Variants in RRP15 observed in about 807,000 individuals in gnomAD.
The protein encoded by RRP15 is RRP15-like protein.
RRP15 carries 18 observed loss-of-function variants against 27.1 expected under a neutral mutation model. The observed-to-expected ratio is 0.66, with a 90% CI of 0.46 to 0.98. The LOEUF is 0.98. RRP15 is among the 50% of genes least tolerant of loss of function. The probability of loss-of-function intolerance (pLI) is 0.00; values close to 1 mark genes in which losing one functional copy is unlikely to be tolerated. For synonymous variants in RRP15, 107 were observed against 109.4 expected (o/e 0.98, Z 0.14); for missense variants, 359 against 337.8 (o/e 1.06, Z -0.49).
rs777036760 is a variant in RRP15, at chr1:218,302,374, T to A, written c.220T>A (p.Cys74Ser). The A allele has an allele frequency of 1.2e-6, 2 of 1,614,050 alleles. No individual in the cohort carries two copies. Among genetic ancestry groups the A allele is most frequent in the Non-Finnish European group, 8.5e-7 (1 of 1,179,976 alleles). The stretch of plus-strand genomic sequence containing the variant: ...TGACAGTGAGGGTGATGCTGAGCCC[T>A]GTGACAAAGAAAATGAAAATGATGG... ...EADSEGDAEP[C>S]DKENENDGES... Residue 74 changes from cysteine (C) to serine (S), a missense_variant, in exon 2 of 5, where the codon TGT (cysteine) becomes AGT (serine). Coordinates refer to ENST00000366932, the MANE Select transcript of RRP15 (RefSeq NM_016052.4).
chr1:218,323,098 C>T (rs981020102), intron 4 of RRP15, among the ~76,000 whole-genome samples: 2 of 152,188 alleles, frequency 1.3e-5, no homozygotes, highest in Admixed American at 1.3e-4. Flanking sequence ...ACTGCAGAGC[C>T]CTAAAGAGGT....
At chr1:218,295,307 G>A (rs1023565431) in intron 1 of RRP15, among the ~76,000 whole-genome samples, 9 of 152,168 alleles carry the variant, frequency 5.9e-5, no homozygotes, top group Non-Finnish European at 8.8e-5. Context: ...TCTTGGGACA[G>A]GGTGCGGGGG....
chr1:218,285,657 C>A (rs1253567837), intron 1 of RRP15, among the ~76,000 whole-genome samples: 1 of 151,918 alleles, frequency 6.6e-6, no homozygotes, highest in East Asian at 1.9e-4. Flanking sequence ...TTTTGAGTTT[C>A]CACATTCTTT....
At chr1:218,316,143 A>G (rs1005461725) in intron 4 of RRP15, among the ~76,000 whole-genome samples, 2 of 152,208 alleles carry the variant, frequency 1.3e-5, no homozygotes, top group African/African-American at 2.4e-5. Context: ...AGGTTTGGCA[A>G]TATGGCACAT....
At chr1:218,287,354 A>G (rs1275182052) in intron 1 of RRP15, among the ~76,000 whole-genome samples, 1 of 152,060 alleles carries the variant, frequency 6.6e-6, no homozygotes, top group Admixed American at 6.6e-5. Context: ...GTATTATTAT[A>G]AATGCTGATT....
intron 4 of RRP15, among the ~76,000 whole-genome samples, chr1:218,321,758 A>G (rs939523039): frequency 6.6e-6 from 1 of 152,120 alleles, no homozygotes; most frequent in African/African-American, 2.4e-5. Context: ...TTAACATTTA[A>G]TGAAATCTAT....
Position 218,331,085 on chromosome 1 carries a change from T to A in RRP15, c.843T>A (p.Asp281Glu). The A allele has an allele frequency of 6.2e-7, 1 of 1,609,946 alleles. No homozygotes were observed. The highest frequency in any genetic ancestry group is 8.5e-7 in the Non-Finnish European group (1 of 1,177,638). ...DSRPESASDSDT is the reference protein window; with the variant it reads ...DSRPESASDSET ...GACCAGAATCTGCAAGTGACTCTGA[T>A]ACATAAAGCATCATAGGAAATACAA... is the stretch of plus-strand genomic sequence containing the variant. Residue 281 changes from aspartate to glutamate, a missense_variant, in exon 5 of 5, where the codon GAT (aspartate) becomes GAA (glutamate). Physicochemically the swap from Asp to Glu is conservative, Grantham distance 45. Transcript: ENST00000366932.
intron 4 of RRP15, among the ~76,000 whole-genome samples, chr1:218,317,207 G>A (rs201516858): frequency 1.3e-5 from 2 of 152,184 alleles, no homozygotes; most frequent in African/African-American, 2.4e-5. Context: ...ACAATGACTC[G>A]GCATCAGCAA....
intron 1 of RRP15, among the ~76,000 whole-genome samples, chr1:218,294,850 A>G (rs187807297): frequency 1.3e-5 from 2 of 152,296 alleles, no homozygotes; most frequent in East Asian, 1.9e-4. Flanking sequence ...CCAGCCCTCA[A>G]TCATTAGCAT....
chr1:218,295,469 A>G (rs899475112), intron 1 of RRP15, among the ~76,000 whole-genome samples: 1 of 152,220 alleles, frequency 6.6e-6, no homozygotes, highest in African/African-American at 2.4e-5. Flanking sequence ...CCAGGCAGCT[A>G]AAAAGCCTGA....
chr1:218,304,177 AAG>A, intron 2 of RRP15, among the ~76,000 whole-genome samples: 1 of 152,348 alleles, frequency 6.6e-6, no homozygotes, highest in South Asian at 2.1e-4. Flanking sequence ...TGAGAAATAG[AAG>A]AGTAAAGGCA....
In RRP15 at chr1:218,331,361, A is replaced by C. The variant is rs77109127; in HGVS notation, c.*270A>C. ...GCGAGATGTGCATTTTGCCAGGATC[A>C]TATTGGTCATGTCTATTGGTGTATT... On this transcript the variant is annotated 3_prime_UTR_variant, in exon 5 of 5. Transcript: ENST00000366932. The C allele has an allele frequency of 0.031, 8,224 of 262,330 alleles. 168 individuals carry two copies. Among genetic ancestry groups the C allele is most frequent in the East Asian group, 0.073 (949 of 12,946 alleles). The allele number at this position is 262,330 out of a possible 1,614,324, so 16.3% of individuals were successfully genotyped here.
At chr1:218,320,358 G>A (rs886364165) in intron 4 of RRP15, among the ~76,000 whole-genome samples, 3 of 151,906 alleles carry the variant, frequency 2.0e-5, no homozygotes, top group South Asian at 2.1e-4. Flanking sequence ...ATGATTTCCA[G>A]TTTCATCCAT....
chr1:218,300,160 A>T (rs1344096856), intron 1 of RRP15, among the ~76,000 whole-genome samples: 2 of 152,196 alleles, frequency 1.3e-5, no homozygotes, highest in African/African-American at 4.8e-5. Context: ...ATTAAGAAAT[A>T]TGCAGCTCTA....
chr1:218,288,295 A>G (rs1471432316), intron 1 of RRP15, among the ~76,000 whole-genome samples: 1 of 152,244 alleles, frequency 6.6e-6, no homozygotes, highest in African/African-American at 2.4e-5. Context: ...TATTTTTCAA[A>G]AAGAAAGTAT....
At chr1:218,292,435 T>C (rs1464796172) in intron 1 of RRP15, among the ~76,000 whole-genome samples, 1 of 152,074 alleles carries the variant, frequency 6.6e-6, no homozygotes, top group East Asian at 1.9e-4. Flanking sequence ...ATGGAAAAAA[T>C]GTGGCACTAA....
At chr1:218,291,528 CTTTTTTT>C (rs776529360) in intron 1 of RRP15, among the ~76,000 whole-genome samples, 5 of 104,936 alleles carry the variant, frequency 4.8e-5, no homozygotes, top group Admixed American at 2.0e-4. Flanking sequence ...TTGAATTTTC[CTTTTTTT>C]TTTTTTTTTT....
rs1340740004 is a variant in RRP15 at position 218,307,649 on chromosome 1, A to G, written c.705+17A>G. On this transcript the variant is annotated intron_variant, in intron 4 of 4. Transcript: ENST00000366932. ...GCCAAACAGGTAAAAACTTTTCTATAGGATTCAGTGTATCAGACTTTCAGC... is the reference window on the plus strand; with the variant it reads ...GCCAAACAGGTAAAAACTTTTCTATGGGATTCAGTGTATCAGACTTTCAGC... 6.4e-7 allele frequency: 1 copy of G among 1,566,640 alleles called. No homozygotes were observed. The highest frequency in any genetic ancestry group is 2.2e-5 in the East Asian group (1 of 44,448).
chr1:218,319,249 G>C (rs1656140258), intron 4 of RRP15, among the ~76,000 whole-genome samples: 1 of 152,062 alleles, frequency 6.6e-6, no homozygotes, highest in Admixed American at 6.5e-5. Flanking sequence ...ATTTTTAGTA[G>C]AGATGGGGTT....
Sources: allele counts gnomAD v4.1 joint callset (sites outside exome capture counted in the v4.1 genomes callset), GRCh38; gene constraint gnomAD v4.1.1; transcripts MANE v1.5; gene names NCBI Gene and HGNC (gene_info 2026-07-23, HGNC 2026-07-21).